ZMIZ1: variants seen among roughly 807,000 people sequenced by gnomAD.
The protein encoded by ZMIZ1 is zinc finger MIZ-type containing 1.
Under a neutral mutation model 113.9 loss-of-function variants are expected in ZMIZ1, and 17 were observed. That is an observed-to-expected ratio of 0.15 (90% CI 0.10 to 0.22). ZMIZ1 has a LOEUF of 0.22. ZMIZ1 is among the 10% of genes least tolerant of loss of function. ZMIZ1 has a pLI of 1.00. For synonymous variants in ZMIZ1, 607 were observed against 603.1 expected (o/e 1.01, Z -0.09); for missense variants, 1,059 against 1,477.8 (o/e 0.72, Z 4.65).
chr10:79,072,565 G>A (rs1194770918), intron 1 of ZMIZ1, among the ~76,000 whole-genome samples: 1 of 152,230 alleles, frequency 6.6e-6, no homozygotes, highest in African/African-American at 2.4e-5. Flanking sequence ...GGTCCAACGA[G>A]TGGCCATGAC....
chr10:79,108,842 C>T (rs35158798), intron 1 of ZMIZ1, among the ~76,000 whole-genome samples: 3,210 of 152,214 alleles, frequency 0.021, 69 homozygotes, highest in Middle Eastern at 0.061. Flanking sequence ...ATTCTGCAAG[C>T]CCACCTTCTC....
chr10:79,182,466 G>A (rs1847162028), intron 4 of ZMIZ1, among the ~76,000 whole-genome samples: 1 of 152,168 alleles, frequency 6.6e-6, no homozygotes, highest in Admixed American at 6.5e-5. Context: ...GGGGGAGAGT[G>A]TCAGCTGGAC....
chr10:79,249,943 C>A (rs1312237180), intron 7 of ZMIZ1, among the ~76,000 whole-genome samples: 6 of 152,142 alleles, frequency 3.9e-5, no homozygotes, highest in Admixed American at 2.6e-4. Context: ...TACCAGGTGA[C>A]TTTGAGTAAG....
chr10:79,300,625 C>T (rs1166868663), intron 16 of ZMIZ1, 107 bp from the exon 17 acceptor site: 5 of 1,346,060 alleles, frequency 3.7e-6, no homozygotes, highest in African/African-American at 1.4e-5. Flanking sequence ...TCCTGAGGAT[C>T]TCGGAGGTTG....
rs568550412 is a variant in ZMIZ1, at chr10:79,315,721, C to G, written c.*2972C>G. ...CTCCCGACGGGCCTCGGGCCTGACCCGTCCACACAGGGCCGTGTCAACAGC... is the reference window on the plus strand; with the variant it reads ...CTCCCGACGGGCCTCGGGCCTGACCGGTCCACACAGGGCCGTGTCAACAGC... On this transcript the variant is annotated 3_prime_UTR_variant, in exon 25 of 25. Coordinates refer to ENST00000334512, the MANE Select transcript of ZMIZ1 (RefSeq NM_020338.4). The G allele has an allele frequency of 6.5e-6, 1 of 152,794 alleles. No individual in the cohort carries two copies. The highest frequency in any genetic ancestry group is 1.5e-5 in the Non-Finnish European group (1 of 68,056). The allele number at this position is 152,794 out of a possible 1,614,324, so 9.5% of individuals were successfully genotyped here.
At chr10:79,271,783 T>TGTGGGGCTGGCGCATAGAGAG (rs1358495457) in intron 7 of ZMIZ1, among the ~76,000 whole-genome samples, 1 of 152,084 alleles carries the variant, frequency 6.6e-6, no homozygotes, top group East Asian at 1.9e-4. Flanking sequence ...CAGGGTGTCT[T>TGTGGGGCTGGCGCATAGAGAG]GTGGGGCTGG....
At chr10:79,194,183 A>G (rs1468573103) in intron 4 of ZMIZ1, among the ~76,000 whole-genome samples, 1 of 152,246 alleles carries the variant, frequency 6.6e-6, no homozygotes, top group Non-Finnish European at 1.5e-5. Flanking sequence ...ACCACTGCTC[A>G]CACAGCTCCC....
intron 2 of ZMIZ1, among the ~76,000 whole-genome samples, chr10:79,133,144 C>T (rs997346311): frequency 1.3e-5 from 2 of 152,208 alleles, no homozygotes; most frequent in South Asian, 2.1e-4. Context: ...CCCCCTAGTA[C>T]ACTCTTTTCC....
chr10:79,228,837 A>G (rs1341872751), intron 7 of ZMIZ1, among the ~76,000 whole-genome samples: 1 of 152,230 alleles, frequency 6.6e-6, no homozygotes, highest in Non-Finnish European at 1.5e-5. Flanking sequence ...GGGCTTCAAG[A>G]TCAGGCTGAC....
At chr10:79,253,031 C>A (rs889186690) in intron 7 of ZMIZ1, among the ~76,000 whole-genome samples, 72 of 152,194 alleles carry the variant, frequency 4.7e-4, no homozygotes, top group African/African-American at 1.7e-3. Context: ...AAAAAAGACA[C>A]ATCCCCTCCC....
rs370116340 is a variant in ZMIZ1, at chr10:79,305,611, G to T, written c.2423+10G>T. ...TGAATGCCATCCAACAGTAAGTGGG[G>T]CCCTAGCGAGGGGCAGGGGGTGGGA... On this transcript the variant is annotated intron_variant, in intron 21 of 24. Transcript: ENST00000334512. The T allele has an allele frequency of 9.3e-6, 15 of 1,613,378 alleles. No homozygotes were observed. The African/African-American group carries it at 2.0e-4, about 22-fold the overall frequency.
At chr10:79,219,428 G>A (rs771508724) in intron 7 of ZMIZ1, among the ~76,000 whole-genome samples, 2 of 152,196 alleles carry the variant, frequency 1.3e-5, no homozygotes, top group Non-Finnish European at 2.9e-5. Context: ...TGACTTCCCT[G>A]AGGTCACCCA....
At position 79,310,390 on chromosome 10, in the gene ZMIZ1, T is replaced by C. The variant is rs369655945; in HGVS notation, c.2836-534T>C. On this transcript the variant is annotated intron_variant, in intron 23 of 24. Transcript: ENST00000334512. ...ACACTTCGGACTGGCAGAAGGCGCC[T>C]TCGTACCCAGCATCACCCCTGCCCA... Among the ~76,000 whole-genome samples, 6 of 152,272 alleles carry C rather than the reference T, an allele frequency of 3.9e-5. No individual in the cohort carries two copies. The East Asian group carries it at 1.2e-3, about 29-fold the overall frequency.
intron 17 of ZMIZ1, 71 bp from the exon 18 acceptor site, chr10:79,302,036 T>C: frequency 2.0e-6 from 3 of 1,516,332 alleles, no homozygotes; most frequent in Non-Finnish European, 1.8e-6. Flanking sequence ...AGTCTAGGGC[T>C]GCTGAGGCTG....
chr10:79,155,419 T>C (rs1564685252), intron 3 of ZMIZ1, among the ~76,000 whole-genome samples: 1 of 152,216 alleles, frequency 6.6e-6, no homozygotes, highest in African/African-American at 2.4e-5. Context: ...CTAGTTTGAA[T>C]CCTAGTTCCC....
chr10:79,268,696 C>T (rs1851750669), intron 7 of ZMIZ1, among the ~76,000 whole-genome samples: 1 of 152,156 alleles, frequency 6.6e-6, no homozygotes, highest in African/African-American at 2.4e-5. Context: ...TAGTGTGGCC[C>T]AAGATTCGTG....
In ZMIZ1 at chr10:79,069,059, C is replaced by CGGCA. The variant is rs1842154703; in HGVS notation, c.-546_-545insCAGG. 1 of 150,826 alleles carries CGGCA rather than the reference C, an allele frequency of 6.6e-6. No individual in the cohort carries two copies. Among genetic ancestry groups the CGGCA allele is most frequent in the Non-Finnish European group, 1.5e-5 (1 of 67,602 alleles). 9.3% of individuals were successfully genotyped at this position (150,826 alleles called of 1,614,324 possible). On this transcript the variant is annotated 5_prime_UTR_variant, in exon 1 of 25. Transcript: ENST00000334512. The surrounding 1 kb of genome is among the most constrained non-coding windows in gnomAD (Gnocchi z 4.6). ...GCGGGCGCCGGGGAGAGCGGGCGGC[C>CGGCA]GGGCGGCAGGCGGGCGAGCAGCGAT...
intron 7 of ZMIZ1, among the ~76,000 whole-genome samples, chr10:79,259,406 C>T (rs1318392325): frequency 6.6e-6 from 1 of 152,124 alleles, no homozygotes; most frequent in Non-Finnish European, 1.5e-5. Flanking sequence ...TCCCCAGAAC[C>T]CTTCAACAGG....
intron 7 of ZMIZ1, among the ~76,000 whole-genome samples, chr10:79,252,314 A>G (rs11002893): frequency 0.19 from 29,236 of 152,058 alleles, 2,997 homozygotes; most frequent in East Asian, 0.27. Context: ...AGATAAATAC[A>G]TTTAGTGACC....
Sources: gnomAD v4.1 joint callset for allele counts (sites outside exome capture counted in the v4.1 genomes callset) on GRCh38, gnomAD v4.1.1 for gene constraint, Gnocchi (gnomAD v3.1) non-coding constraint, MANE v1.5 for transcripts, NCBI Gene and HGNC (gene_info 2026-07-23, HGNC 2026-07-21) for gene names.